The following CAND2 variants were observed in gnomAD, a reference collection of about 807,000 sequenced individuals.
CAND2 encodes the protein cullin-associated NEDD8-dissociated protein 2.
In CAND2, 62 loss-of-function variants were observed where a neutral mutation model predicts 98.9. The ratio of observed to expected loss-of-function variants is 0.63; its 90% CI spans 0.51 to 0.77. The LOEUF (loss-of-function observed/expected upper bound fraction) is 0.77, where lower values mean the gene tolerates loss of function less well. Ranked by LOEUF, CAND2 falls within the 30% of genes least tolerant of loss-of-function variation. The pLI is 0.00. For missense variants in CAND2, 1,501 were observed against 1,655.2 expected (o/e 0.91, Z 1.62); for synonymous variants, 770 against 731.9 (o/e 1.05, Z -0.84).
Position 12,816,733 on chromosome 3 carries a change from C to T in CAND2, c.1801C>T (p.His601Tyr). ...TTCCTGCATGGGCCACCTTGTAGGC[C>T]ACCTGGGTGACCGGCTTGGGGATGA... ...AISCMGHLVG[H>Y]LGDRLGDDLE... The change falls in exon 10 of 15, where the codon CAC (histidine) becomes TAC (tyrosine). Residue 601 changes from histidine to tyrosine, a missense_variant. This residue lies in a region of CAND2 where 1,427 missense variants were observed against 1,545.3 expected (regional missense o/e 0.92). Transcript: ENST00000456430. 1 of 1,613,704 alleles carries T rather than the reference C, an allele frequency of 6.2e-7. No homozygotes were observed. The highest frequency in any genetic ancestry group is 8.5e-7 in the Non-Finnish European group (1 of 1,180,042).
At chr3:12,833,708 G>C in intron 14 of CAND2, 47 bp from the exon 15 acceptor site, 2 of 1,480,414 alleles carry the variant, frequency 1.4e-6, no homozygotes, top group South Asian at 2.3e-5. Context: ...CAGTGGTGTG[G>C]GCCAGGCTCA....
In CAND2 at chr3:12,820,079, C is replaced by G. The variant is rs368250976; in HGVS notation, c.2945-7C>G. 6.2e-7 allele frequency: 1 copy of G among 1,613,238 alleles called. No individual in the cohort carries two copies. The highest frequency in any genetic ancestry group is 1.7e-5 in the Admixed American group (1 of 60,006). The stretch of plus-strand genomic sequence containing the variant: ...CCCTCACTAACTCACCTCTTCTTGT[C>G]CTGCAGGTCGGCCACACACCCGGAG... On this transcript the variant is annotated splice_region_variant and splice_polypyrimidine_tract_variant and intron_variant, in intron 10 of 14. Transcript: ENST00000456430.
intron 2 of CAND2, among the ~76,000 whole-genome samples, chr3:12,806,298 A>T (rs1279496258): frequency 6.6e-6 from 1 of 152,152 alleles, no homozygotes; most frequent in African/African-American, 2.4e-5. Context: ...ACAGAGCGAG[A>T]CCTCATCTCA....
At chr3:12,831,086 T>C (rs191917591) in intron 13 of CAND2, among the ~76,000 whole-genome samples, 9 of 152,056 alleles carry the variant, frequency 5.9e-5, no homozygotes, top group Non-Finnish European at 2.9e-5. Flanking sequence ...ACATGAAAAT[T>C]GGGATTTCTT....
In CAND2 at chr3:12,817,825, C is replaced by T. The variant is rs191057169; in HGVS notation, c.2893C>T (p.Leu965Phe). The T allele has an allele frequency of 4.6e-6, 7 of 1,519,180 alleles. No individual in the cohort carries two copies. Among genetic ancestry groups the T allele is most frequent in the Admixed American group, 2.2e-5 (1 of 44,566 alleles). 94.1% of individuals were successfully genotyped at this position (1,519,180 alleles called of 1,614,324 possible). A position where few individuals can be genotyped will look rare whatever the true frequency, so the allele number is the denominator to read the frequency against. The stretch of plus-strand genomic sequence containing the variant: ...GGCCGAGTGCATTGGGAAGCTGGTC[C>T]TTGTGAACCCTTCGTTCCTTCTGCC... The part of the protein sequence containing the change: ...VVAECIGKLV[L>F]VNPSFLLPRL... The change falls in exon 10 of 15, where the codon CTT (leucine) becomes TTT (phenylalanine). Residue 965 changes from leucine (L) to phenylalanine (F), a missense_variant. Leu to Phe is a conservative substitution (Grantham distance 22). This residue lies in a region of CAND2 where 1,427 missense variants were observed against 1,545.3 expected (regional missense o/e 0.92). Transcript: ENST00000456430.
Position 12,810,103 on chromosome 3 carries a change from G to C in CAND2, c.536G>C (p.Cys179Ser). 2 of 1,504,300 alleles carry C rather than the reference G, an allele frequency of 1.3e-6. No homozygotes were observed. The highest frequency in any genetic ancestry group is 8.9e-7 in the Non-Finnish European group (1 of 1,129,494). 93.2% of individuals were successfully genotyped at this position (1,504,300 alleles called of 1,614,324 possible). A position where few individuals can be genotyped will look rare whatever the true frequency, so the allele number is the denominator to read the frequency against. The change falls in exon 5 of 15, where the codon TGT becomes TCT. Residue 179 changes from cysteine (C) to serine (S), a missense_variant. Physicochemically the swap from Cys to Ser is moderately radical, Grantham distance 112. Coordinates refer to ENST00000456430, the MANE Select transcript of CAND2 (RefSeq NM_001162499.2). Reference protein sequence around the residue: ...LGAFHASLLHCLLPQLSSPRL... With the variant: ...LGAFHASLLHSLLPQLSSPRL... ...GCCTTCCACGCCAGCCTCCTGCACT[G>C]TCTGCTGCCACAGCTGAGCAGCCCG...
chr3:12,831,618 G>A (rs2062054515), intron 14 of CAND2, 46 bp downstream of exon 14: 2 of 1,323,888 alleles, frequency 1.5e-6, no homozygotes, highest in Non-Finnish European at 2.1e-6. Flanking sequence ...AGCACCTATG[G>A]AGTCCTCGGC....
At chr3:12,812,221 C>CTTTTTTTTTTTTT (rs531439250) in intron 5 of CAND2, among the ~76,000 whole-genome samples, 5,283 of 74,266 alleles carry the variant, frequency 0.071, 1,098 homozygotes, top group Non-Finnish European at 0.088. Flanking sequence ...AGCTGTTTAT[C>CTTTTTTTTTTTTT]TTTTTTTTTT....
chr3:12,817,617 C>A lies in CAND2; in HGVS notation c.2685C>A (p.Asp895Glu). 1 of 1,613,658 alleles carries A rather than the reference C, an allele frequency of 6.2e-7. No individual in the cohort carries two copies. The highest frequency in any genetic ancestry group is 1.1e-5 in the South Asian group (1 of 91,070). The change falls in exon 10 of 15, where the codon GAC becomes GAA. Residue 895 changes from aspartate to glutamate, a missense_variant. Physicochemically the swap from Asp to Glu is conservative, Grantham distance 45. Coordinates refer to ENST00000456430, the MANE Select transcript of CAND2 (RefSeq NM_001162499.2). ...LGRVGAGSLPDFLPFLLEQIE... is the reference protein window; with the variant it reads ...LGRVGAGSLPEFLPFLLEQIE... Reference sequence around the variant, plus strand: ...GTGTGGGTGCTGGCAGCCTGCCCGACTTCCTGCCCTTCCTGCTGGAGCAGA... The same window carrying A: ...GTGTGGGTGCTGGCAGCCTGCCCGAATTCCTGCCCTTCCTGCTGGAGCAGA...
At chr3:12,819,644 A>G (rs535321847) in intron 10 of CAND2, among the ~76,000 whole-genome samples, 54 of 152,336 alleles carry the variant, frequency 3.5e-4, no homozygotes, top group Admixed American at 1.3e-3. Context: ...GGCCCTAGAC[A>G]TGAACTTAAA....
At chr3:12,822,459 GCTA>G (rs1333991873) in intron 11 of CAND2, among the ~76,000 whole-genome samples, 4 of 151,902 alleles carry the variant, frequency 2.6e-5, no homozygotes, top group East Asian at 1.9e-4. Flanking sequence ...ACCACACCTG[GCTA>G]CTTTTTAAAT....
intron 10 of CAND2, among the ~76,000 whole-genome samples, chr3:12,819,513 T>C (rs530270927): frequency 8.3e-4 from 126 of 152,246 alleles, no homozygotes; most frequent in Non-Finnish European, 1.4e-3. Context: ...AAAGCACAAG[T>C]AAGCAAGCTC....
rs368870826 is a variant in CAND2, at chr3:12,817,789, C to T, written c.2857C>T (p.Arg953Trp). ...CTGCGAGGGTGCTGAGGAGGGCACC[C>T]GGGGGGTGGTGGCCGAGTGCATTGG... Reference protein sequence around the residue: ...QRCEGAEEGTRGVVAECIGKL... With the variant: ...QRCEGAEEGTWGVVAECIGKL... The change falls in exon 10 of 15, where the codon CGG becomes TGG. Residue 953 changes from arginine (R) to tryptophan (W), a missense_variant. Coordinates refer to ENST00000456430, the MANE Select transcript of CAND2 (RefSeq NM_001162499.2). The T allele has an allele frequency of 1.1e-5, 17 of 1,532,110 alleles. No homozygotes were observed. In the East Asian group the frequency reaches 2.3e-4, roughly 20 times the overall value. The allele number at this position is 1,532,110 out of a possible 1,614,324, so 94.9% of individuals were successfully genotyped here.
rs1252888810 is a variant in CAND2 at position 12,834,454 on chromosome 3, TTATTCACA to T, written c.*474_*481del. On this transcript the variant is annotated 3_prime_UTR_variant, in exon 15 of 15. Transcript: ENST00000456430. ...CATCTCAAAAGAAAAGATACTTGAG[TTATTCACA>T]TTTTAAAATTCAAAACGGTTCATTT... The T allele has an allele frequency of 6.3e-6, 1 of 157,542 alleles. No individual in the cohort carries two copies. The highest frequency in any genetic ancestry group is 1.4e-5 in the Non-Finnish European group (1 of 71,102). 9.8% of individuals were successfully genotyped at this position (157,542 alleles called of 1,614,324 possible).
At position 12,815,847 on chromosome 3, in the gene CAND2, C is replaced by CT; in HGVS notation, c.1300-18dup. ...TTTCTTGGGTGTTCCCTGACCTTGA[C>CT]TTCCCCCTCCTGCCCACAGGTGCCC... On this transcript the variant is annotated intron_variant, in intron 8 of 14. Coordinates refer to ENST00000456430, the MANE Select transcript of CAND2 (RefSeq NM_001162499.2). This position sits in a 1 kb window ranked among gnomAD's most constrained non-coding sequence, Gnocchi z 5.7. 1 of 1,607,468 alleles carries CT rather than the reference C, an allele frequency of 6.2e-7. No individual in the cohort carries two copies. The highest frequency in any genetic ancestry group is 8.5e-7 in the Non-Finnish European group (1 of 1,175,484).
rs747537299 is a variant in CAND2, at chr3:12,803,576, C to G, written c.157C>G (p.Leu53Val). The change falls in exon 2 of 15, where the codon CTG (leucine) becomes GTG (valine). Residue 53 changes from leucine to valine, a missense_variant. Physicochemically the swap from Leu to Val is conservative, Grantham distance 32 (BLOSUM62 1). Transcript: ENST00000456430. Reference protein sequence around the residue: ...EDSERKVVKMLLRLLEDKNGE... With the variant: ...EDSERKVVKMVLRLLEDKNGE... ...CAGCGAGCGCAAGGTGGTGAAGATG[C>G]TGCTCCGGCTCCTGGAGGACAAGAA... 2.5e-6 allele frequency: 4 copies of G among 1,613,348 alleles called. No homozygotes were observed. Among genetic ancestry groups the G allele is most frequent in the African/African-American group, 2.7e-5 (2 of 75,004 alleles).
chr3:12,803,746 T>A (rs2061784431), intron 2 of CAND2, 115 bp downstream of exon 2: 1 of 860,054 alleles, frequency 1.2e-6, no homozygotes, highest in South Asian at 2.4e-5. Flanking sequence ...TGAGCAGCTC[T>A]CGTTGAATGG....
At chr3:12,820,604 C>T (rs964833431) in intron 11 of CAND2, among the ~76,000 whole-genome samples, 2 of 152,122 alleles carry the variant, frequency 1.3e-5, no homozygotes, top group Non-Finnish European at 2.9e-5. Context: ...GAAGAGTGCT[C>T]CCCCCGGCCC....
intron 12 of CAND2, among the ~76,000 whole-genome samples, chr3:12,826,871 C>T (rs1223002361): frequency 6.7e-6 from 1 of 148,800 alleles, no homozygotes; most frequent in African/African-American, 2.5e-5. Flanking sequence ...CGCTCTGTCA[C>T]CCAGGCTGGA....
Sources: allele counts gnomAD v4.1 joint callset (sites outside exome capture counted in the v4.1 genomes callset), GRCh38; gene constraint gnomAD v4.1.1; regional missense constraint gnomAD v4.1.1; non-coding constraint Gnocchi (gnomAD v3.1); transcripts MANE v1.5; gene names NCBI Gene and HGNC (gene_info 2026-07-23, HGNC 2026-07-21).